PIWIL1: variants seen among roughly 807,000 people sequenced by gnomAD.
The protein encoded by PIWIL1 is piwi-like protein 1.
Under a neutral mutation model 114.4 loss-of-function variants are expected in PIWIL1, and 73 were observed. That is an observed-to-expected ratio of 0.64 (90% CI 0.53 to 0.78). PIWIL1 has a LOEUF of 0.78. Among genes scored for constraint, PIWIL1 ranks in the 30% least tolerant of loss-of-function variants. The pLI, the probability that PIWIL1 is intolerant of heterozygous loss-of-function variation, is 0.00. For missense variants in PIWIL1, 723 were observed against 1,063.1 expected (o/e 0.68, Z 4.45); for synonymous variants, 375 against 369.0 (o/e 1.02, Z -0.19).
chr12:130,361,154 T>A, intron 14 of PIWIL1, 26 bp from the exon 15 acceptor site: 1 of 1,611,272 alleles, frequency 6.2e-7, no homozygotes, highest in Non-Finnish European at 8.5e-7. Context: ...TCCTAATTCT[T>A]TGTAACAAGG....
chr12:130,346,242 G>A, intron 4 of PIWIL1, 128 bp from the exon 5 acceptor site: 1 of 664,378 alleles, frequency 1.5e-6, no homozygotes, highest in Admixed American at 2.8e-5. Context: ...GATGTCTGAG[G>A]ACTTTCATGT....
the PIWIL1 span, chr12:130,420,996 A>T: frequency 6.6e-6 from 1 of 152,164 alleles, no homozygotes; most frequent in African/African-American, 2.4e-5. This position sits in a 1 kb window ranked among gnomAD's most constrained non-coding sequence, Gnocchi z 4.3. Flanking sequence ...TCACTCATTA[A>T]AGTTACAGTC....
At chr12:130,411,551 C>T in the PIWIL1 span, among the ~76,000 whole-genome samples, 5 of 105,418 alleles carry the variant, frequency 4.7e-5, no homozygotes, top group Admixed American at 1.2e-4. Context: ...AGAAAAATAG[C>T]ATAAAAAATT....
At chr12:130,395,208 A>C in the PIWIL1 span, among the ~76,000 whole-genome samples, 1 of 152,336 alleles carries the variant, frequency 6.6e-6, no homozygotes, top group Admixed American at 6.5e-5. Flanking sequence ...GAAGACAGAA[A>C]ATTACACTCA....
intron 8 of PIWIL1, 64 bp downstream of exon 8, chr12:130,349,500 T>C: frequency 9.2e-7 from 1 of 1,081,122 alleles, no homozygotes. Flanking sequence ...GCTTTCTAGT[T>C]CTACCATGTT....
chr12:130,340,632 T>TG (rs2072887941), intron 1 of PIWIL1, among the ~76,000 whole-genome samples: 5 of 48,778 alleles, frequency 1.0e-4, no homozygotes, highest in East Asian at 9.5e-4. Context: ...TGGTGGTGGT[T>TG]GGGGGAGGGG....
chr12:130,347,009 A>G lies in PIWIL1; in HGVS notation c.600A>G (p.Glu200=). Residue 200 remains glutamate, a synonymous_variant, in exon 6 of 21, where the codon GAA becomes GAG. Coordinates refer to ENST00000245255, the MANE Select transcript of PIWIL1 (RefSeq NM_004764.5). Reference sequence around the variant, plus strand: ...GGATAACGATCACTTTAACAAATGAACTTCCACCTACATCACCAACTTGTT... The same window carrying G: ...GGATAACGATCACTTTAACAAATGAGCTTCCACCTACATCACCAACTTGTT... ...DVRITITLTN[E]LPPTSPTCLQ... 1 of 1,613,832 alleles carries G rather than the reference A, an allele frequency of 6.2e-7. No individual in the cohort carries two copies. The highest frequency in any genetic ancestry group is 8.5e-7 in the Non-Finnish European group (1 of 1,179,814).
chr12:130,357,433 A>G lies in PIWIL1; in HGVS notation c.1593-48A>G, dbSNP rs772899514. 18 of 1,395,832 alleles carry G rather than the reference A, an allele frequency of 1.3e-5. No individual in the cohort carries two copies. In the African/African-American group the frequency reaches 2.6e-4, roughly 20 times the overall value. The allele number at this position is 1,395,832 out of a possible 1,614,324, so 86.5% of individuals were successfully genotyped here. ...ACAGGAAGGTGTTTATGCACGGTCC[A>G]TTTGTCGCTACTGTGTCTGAGTGTT... On this transcript the variant is annotated intron_variant, in intron 13 of 20. Coordinates refer to ENST00000245255, the MANE Select transcript of PIWIL1 (RefSeq NM_004764.5).
At chr12:130,407,525 G>A in the PIWIL1 span, among the ~76,000 whole-genome samples, 33 of 152,192 alleles carry the variant, frequency 2.2e-4, no homozygotes, top group Non-Finnish European at 4.4e-4. Context: ...TCAGGGGCTG[G>A]CCATGTCCCT....
At chr12:130,344,896 G>A (rs1004746123) in intron 3 of PIWIL1, among the ~76,000 whole-genome samples, 5 of 152,174 alleles carry the variant, frequency 3.3e-5, no homozygotes, top group African/African-American at 1.2e-4. Flanking sequence ...GGAAATTTTA[G>A]TCTATTAAGT....
At chr12:130,356,330 T>C (rs898879217) in intron 12 of PIWIL1, among the ~76,000 whole-genome samples, 1 of 151,990 alleles carries the variant, frequency 6.6e-6, no homozygotes, top group Non-Finnish European at 1.5e-5. Flanking sequence ...CTTTGAAATG[T>C]CCTGTGAACA....
At chr12:130,348,511 G>A (rs1163339034) in intron 7 of PIWIL1, among the ~76,000 whole-genome samples, 2 of 152,114 alleles carry the variant, frequency 1.3e-5, no homozygotes, top group Non-Finnish European at 2.9e-5. Context: ...TGTGCTCCGT[G>A]CCTCAGTGAT....
In PIWIL1 at chr12:130,357,001, GC is replaced by G; in HGVS notation, c.1489del (p.Leu497CysfsTer2). 1 of 1,613,640 alleles carries G rather than the reference GC, an allele frequency of 6.2e-7. No individual in the cohort carries two copies. Among genetic ancestry groups the G allele is most frequent in the Non-Finnish European group, 8.5e-7 (1 of 1,179,740 alleles). On this transcript the variant is annotated frameshift_variant, in exon 13 of 21. Transcript: ENST00000245255. LOFTEE classifies it high-confidence loss of function. ...TTAGTGTTAAGCCACTAGATAACTG[GC>G]TGTTGATCTATACGCGAAGAAATTA... Reference protein sequence around the residue: ...LISVKPLDNWLLIYTRRNYEA... With the variant: ...LISVKPLDNWXLIYTRRNYEA...
intron 14 of PIWIL1, among the ~76,000 whole-genome samples, chr12:130,360,504 G>A (rs375137253): frequency 7.2e-5 from 11 of 152,190 alleles, no homozygotes; most frequent in South Asian, 6.2e-4. Flanking sequence ...ATGGTGGTGC[G>A]AACCTGTAGT....
the PIWIL1 span, among the ~76,000 whole-genome samples, chr12:130,392,337 G>C: frequency 8.3e-6 from 1 of 120,826 alleles, no homozygotes; most frequent in Non-Finnish European, 1.9e-5. Context: ...GTTACCTGGT[G>C]AATATTGAAT....
the PIWIL1 span, among the ~76,000 whole-genome samples, chr12:130,399,455 A>AGATT: frequency 6.6e-6 from 1 of 152,172 alleles, no homozygotes; most frequent in Admixed American, 6.6e-5. Flanking sequence ...GAGTAAAGGC[A>AGATT]GATTGATTGA....
the PIWIL1 span, among the ~76,000 whole-genome samples, chr12:130,405,767 T>TTTTTG: frequency 0.98 from 147,682 of 151,372 alleles, 72,145 homozygotes; most frequent in South Asian, 1. Flanking sequence ...GGGTTTTAGG[T>TTTTTG]TTTTGTTTTG....
the PIWIL1 span, chr12:130,398,864 C>T: frequency 1.7e-5 from 4 of 239,472 alleles, no homozygotes; most frequent in Admixed American, 1.6e-4. Flanking sequence ...CAATGTTGGC[C>T]TTTCAAATAT....
intron 19 of PIWIL1, 78 bp from the exon 20 acceptor site, chr12:130,371,098 C>A (rs2073805640): frequency 3.3e-6 from 4 of 1,198,828 alleles, no homozygotes; most frequent in Non-Finnish European, 4.9e-6. Context: ...AAGAGTGGTA[C>A]AGAGCTTTTC....
Sources: allele counts gnomAD v4.1 joint callset (sites outside exome capture counted in the v4.1 genomes callset), GRCh38; gene constraint gnomAD v4.1.1; non-coding constraint Gnocchi (gnomAD v3.1); transcripts MANE v1.5; gene names NCBI Gene and HGNC (gene_info 2026-07-23, HGNC 2026-07-21).